The following LHFPL3 variants were observed in gnomAD, a reference collection of about 807,000 sequenced individuals.
The protein encoded by LHFPL3 is LHFPL tetraspan subfamily member 3.
Under a neutral mutation model 19.3 loss-of-function variants are expected in LHFPL3, and 5 were observed. The observed-to-expected ratio is 0.26, with a 90% CI of 0.14 to 0.54. The LOEUF is 0.54. Ranked by LOEUF, LHFPL3 falls within the 20% of genes least tolerant of loss-of-function variation. The pLI is 0.94. For missense variants in LHFPL3, 249 were observed against 307.4 expected (o/e 0.81, Z 1.42); for synonymous variants, 133 against 126.2 (o/e 1.05, Z -0.36).
intron 1 of LHFPL3, among the ~76,000 whole-genome samples, chr7:104,633,232 CTGAGTGCCAGT>C (rs1465061160): frequency 6.6e-6 from 1 of 152,140 alleles, no homozygotes; most frequent in East Asian, 1.9e-4. Flanking sequence ...TCAGTCAGTC[CTGAGTGCCAGT>C]TGAATATTTG....
chr7:104,682,970 A>C (rs56098280), intron 1 of LHFPL3, among the ~76,000 whole-genome samples: 51,996 of 152,118 alleles, frequency 0.34, 9,294 homozygotes, highest in South Asian at 0.56. Context: ...GTAGAATTAC[A>C]CTGGTGAATT....
At chr7:104,559,055 C>A (rs890642233) in intron 1 of LHFPL3, among the ~76,000 whole-genome samples, 2 of 148,020 alleles carry the variant, frequency 1.4e-5, no homozygotes, top group South Asian at 4.3e-4. Flanking sequence ...GTTTTGGTAC[C>A]AGTACCATGC....
At chr7:104,792,555 T>C (rs140843170) in intron 2 of LHFPL3, among the ~76,000 whole-genome samples, 36 of 152,346 alleles carry the variant, frequency 2.4e-4, no homozygotes, top group African/African-American at 7.9e-4. Context: ...TACGAGGCTG[T>C]ATATAATGTT....
At chr7:104,675,536 G>T (rs1360836295) in intron 1 of LHFPL3, among the ~76,000 whole-genome samples, 1 of 152,152 alleles carries the variant, frequency 6.6e-6, no homozygotes, top group Non-Finnish European at 1.5e-5. Flanking sequence ...TGGAAAAGGG[G>T]TGCAGGGAAC....
chr7:104,879,617 C>G (rs989292555), intron 2 of LHFPL3, among the ~76,000 whole-genome samples: 1 of 152,038 alleles, frequency 6.6e-6, no homozygotes, highest in African/African-American at 2.4e-5. Context: ...CCTAGCTACT[C>G]GAGAGGCTGA....
In LHFPL3 at chr7:104,609,454, G is replaced by T. The variant is rs575584056; in HGVS notation, c.446-127221G>T. 1.6e-3 allele frequency among the ~76,000 whole-genome samples: 242 copies of T among 152,194 alleles called. 2 individuals are homozygous for T. Among genetic ancestry groups the T allele is most frequent in the African/African-American group, 5.2e-3 (214 of 41,532 alleles). On this transcript the variant is annotated intron_variant, in intron 1 of 2. Transcript: ENST00000424859. ...ACAAGTAGATATTTTTTACTTTGAAGTAAATAATATTCAAAAGAAACATTT... is the reference window on the plus strand; with the variant it reads ...ACAAGTAGATATTTTTTACTTTGAATTAAATAATATTCAAAAGAAACATTT...
At chr7:104,743,205 C>T (rs1208945972) in intron 2 of LHFPL3, among the ~76,000 whole-genome samples, 2 of 152,110 alleles carry the variant, frequency 1.3e-5, no homozygotes, top group Admixed American at 6.5e-5. Flanking sequence ...TGTGTACCCA[C>T]CCACGGACCC....
At chr7:104,905,648 A>G (rs1013079926) in intron 2 of LHFPL3, among the ~76,000 whole-genome samples, 1 of 152,222 alleles carries the variant, frequency 6.6e-6, no homozygotes, top group African/African-American at 2.4e-5. Flanking sequence ...GTAATGTTTA[A>G]ATGTTTAAAG....
At chr7:104,708,909 T>C (rs1793240563) in intron 1 of LHFPL3, among the ~76,000 whole-genome samples, 1 of 152,180 alleles carries the variant, frequency 6.6e-6, no homozygotes, top group Admixed American at 6.5e-5. Flanking sequence ...TTTGTCTTCA[T>C]CACCACTATC....
At position 104,668,448 on chromosome 7, in the gene LHFPL3, C is replaced by T. The variant is rs533745784; in HGVS notation, c.446-68227C>T. ...AGATCGTTATGATTCAGACCGGTAT[C>T]GGGATGGGTATCGGGATGGCCCACG... On this transcript the variant is annotated intron_variant, in intron 1 of 2. Transcript: ENST00000424859. 8.7e-6 allele frequency: 14 copies of T among 1,609,926 alleles called. No individual in the cohort carries two copies. The African/African-American group carries it at 9.3e-5, about 11-fold the overall frequency.
chr7:104,660,004 G>GTTT (rs35499793), intron 1 of LHFPL3, among the ~76,000 whole-genome samples: 15,519 of 140,174 alleles, frequency 0.11, 985 homozygotes, highest in Non-Finnish European at 0.14. Flanking sequence ...ACAGCAACTC[G>GTTT]TTTTTTTTTT....
intron 2 of LHFPL3, among the ~76,000 whole-genome samples, chr7:104,737,569 C>T (rs546025670): frequency 2.1e-4 from 32 of 152,220 alleles, no homozygotes; most frequent in African/African-American, 6.3e-4. Flanking sequence ...TTGAATGATA[C>T]GTAAATATAT....
At chr7:104,645,091 G>A (rs1791907822) in intron 1 of LHFPL3, among the ~76,000 whole-genome samples, 2 of 152,142 alleles carry the variant, frequency 1.3e-5, no homozygotes, top group South Asian at 4.1e-4. Context: ...ATGATTATCT[G>A]AATTCTTCAT....
At chr7:104,563,002 G>C (rs1381935282) in intron 1 of LHFPL3, among the ~76,000 whole-genome samples, 2 of 152,220 alleles carry the variant, frequency 1.3e-5, no homozygotes, top group Non-Finnish European at 2.9e-5. Context: ...TCGGGGGTCA[G>C]GGGTCAGGGA....
At chr7:104,406,506 C>T (rs993376885) in intron 1 of LHFPL3, among the ~76,000 whole-genome samples, 1 of 152,134 alleles carries the variant, frequency 6.6e-6, no homozygotes, top group Admixed American at 6.5e-5. Flanking sequence ...TATAACTATA[C>T]CCATTTTATT....
chr7:104,710,106 A>G (rs10953445), intron 1 of LHFPL3, among the ~76,000 whole-genome samples: 68,869 of 152,146 alleles, frequency 0.45, 16,469 homozygotes, highest in East Asian at 0.69. Context: ...AGATCACTCG[A>G]GGTCAGGAGC....
intron 1 of LHFPL3, among the ~76,000 whole-genome samples, chr7:104,547,242 C>CAAA (rs59524599): frequency 0.37 from 3,598 of 9,636 alleles, 1,504 homozygotes; most frequent in South Asian, 0.63. Flanking sequence ...GACTCCGTCT[C>CAAA]AAAAAAAAAA....
intron 1 of LHFPL3, among the ~76,000 whole-genome samples, chr7:104,497,905 T>C (rs559401101): frequency 1.4e-5 from 2 of 141,258 alleles, no homozygotes; most frequent in South Asian, 2.1e-4. Context: ...TGTAGACTGA[T>C]GCAAGTGACT....
rs373299258 is a variant in LHFPL3 at position 104,506,939 on chromosome 7, G to A, written c.445+177715G>A. 7.2e-5 allele frequency among the ~76,000 whole-genome samples: 11 copies of A among 152,298 alleles called. No homozygotes were observed. The East Asian group carries it at 1.7e-3, about 24-fold the overall frequency. On this transcript the variant is annotated intron_variant, in intron 1 of 2. Transcript: ENST00000424859. ...TTAAAGGGAAGTAATATAAGTAGCT[G>A]ACTAATTCACAAAGTATTCTATTGG... is the stretch of plus-strand genomic sequence containing the variant.
Sources: gnomAD v4.1 joint callset for allele counts (sites outside exome capture counted in the v4.1 genomes callset) on GRCh38, gnomAD v4.1.1 for gene constraint, MANE v1.5 for transcripts, NCBI Gene and HGNC (gene_info 2026-07-23, HGNC 2026-07-21) for gene names.